Variants in EPS8 observed in about 807,000 individuals in gnomAD.
EPS8 encodes epidermal growth factor receptor kinase substrate 8.
A neutral mutation model predicts 103.8 loss-of-function variants in EPS8; 42 were observed. The observed-to-expected ratio is 0.40, with a 90% CI of 0.32 to 0.52. The LOEUF (loss-of-function observed/expected upper bound fraction) is 0.52. EPS8 is among the 20% of genes least tolerant of loss of function. The pLI is 0.40. For synonymous variants in EPS8, 344 were observed against 344.6 expected (o/e 1.00, Z 0.02); for missense variants, 969 against 1,005.1 (o/e 0.96, Z 0.49).
chr12:15,642,095 A>G (rs1293367770), intron 15 of EPS8, among the ~76,000 whole-genome samples: 1 of 152,132 alleles, frequency 6.6e-6, no homozygotes, highest in East Asian at 1.9e-4. Context: ...ATCCAAGTCT[A>G]TGAATTCTTT....
intron 7 of EPS8, 140 bp downstream of exon 7, chr12:15,666,300 A>T: frequency 1.6e-6 from 1 of 642,494 alleles, no homozygotes; most frequent in Non-Finnish European, 2.6e-6. Context: ...ACTTGGGAGA[A>T]CAAATGTGTT....
intron 1 of EPS8, among the ~76,000 whole-genome samples, chr12:15,746,010 G>A (rs898223248): frequency 6.6e-6 from 1 of 152,132 alleles, no homozygotes; most frequent in Middle Eastern, 3.2e-3. Flanking sequence ...CACATTCTAT[G>A]AACACCTTTA....
rs149765493 is a variant in EPS8, at chr12:15,700,304, A to G, written c.-21-17332T>C. On this transcript the variant is annotated intron_variant, in intron 1 of 20. Coordinates refer to ENST00000281172, the MANE Select transcript of EPS8 (RefSeq NM_004447.6). The surrounding 1 kb of genome is among the most constrained non-coding windows in gnomAD (Gnocchi z 5.1). ...CGTATTCTTTTCTATCTTCTAAACA[A>G]TTCTGAGGTGTGGCAAACTAGTACA... Among the ~76,000 whole-genome samples, 38 of 152,298 alleles carry G rather than the reference A, an allele frequency of 2.5e-4. No homozygotes were observed. Among genetic ancestry groups the G allele is most frequent in the African/African-American group, 8.9e-4 (37 of 41,564 alleles).
rs1947203685 is a variant in EPS8 at position 15,776,026 on chromosome 12, C to A, written c.-22+13135G>T. On this transcript the variant is annotated intron_variant, in intron 1 of 20. Coordinates refer to ENST00000281172, the MANE Select transcript of EPS8 (RefSeq NM_004447.6). The surrounding 1 kb of genome is among the most constrained non-coding windows in gnomAD (Gnocchi z 4.2). The stretch of plus-strand genomic sequence containing the variant: ...AATCAAACCAGATCTGACACCACTA[C>A]AACAAACAAAACTCACCTTCACATA... Among the ~76,000 whole-genome samples the A allele has an allele frequency of 6.6e-6, 1 of 152,134 alleles. No homozygotes were observed. The highest frequency in any genetic ancestry group is 2.4e-5 in the African/African-American group (1 of 41,440).
At chr12:15,627,407 C>T (rs139680124) in intron 18 of EPS8, among the ~76,000 whole-genome samples, 263 of 152,074 alleles carry the variant, frequency 1.7e-3, no homozygotes, top group Non-Finnish European at 2.9e-3. Context: ...ATACGTGGAA[C>T]GGTGCTTTAA....
At position 15,732,000 on chromosome 12, in the gene EPS8, C is replaced by T. The variant is rs1379739682; in HGVS notation, c.-21-49028G>A. Among the ~76,000 whole-genome samples the T allele has an allele frequency of 6.6e-6, 1 of 152,056 alleles. No individual in the cohort carries two copies. Among genetic ancestry groups the T allele is most frequent in the Non-Finnish European group, 1.5e-5 (1 of 68,008 alleles). ...AAAAGGTAGATTTTTTTCTTTCAAA[C>T]TGGCTACTACTTAAATAACTGCCTA... On this transcript the variant is annotated intron_variant, in intron 1 of 20. Transcript: ENST00000281172. This position sits in a 1 kb window ranked among gnomAD's most constrained non-coding sequence, Gnocchi z 5.1.
intron 8 of EPS8, chr12:15,665,458 G>A (rs1945690786): frequency 1.6e-5 from 5 of 311,290 alleles, no homozygotes; most frequent in South Asian, 1.6e-4. Flanking sequence ...AACCATCCCA[G>A]TAGCTAGGAT....
intron 17 of EPS8, among the ~76,000 whole-genome samples, chr12:15,635,381 G>A (rs1945116641): frequency 6.6e-6 from 1 of 152,116 alleles, no homozygotes; most frequent in South Asian, 2.1e-4. Flanking sequence ...AAACATCTTT[G>A]TCTAAAAACC....
intron 18 of EPS8, among the ~76,000 whole-genome samples, chr12:15,628,442 T>C (rs1944986774): frequency 6.6e-6 from 1 of 152,168 alleles, no homozygotes; most frequent in South Asian, 2.1e-4. Flanking sequence ...AGAATAACTT[T>C]ACACCTTTCT....
chr12:15,673,456 C>T (rs1398067944), intron 3 of EPS8, among the ~76,000 whole-genome samples: 1 of 152,084 alleles, frequency 6.6e-6, no homozygotes, highest in Admixed American at 6.6e-5. Context: ...CATGTATTCA[C>T]AAGAACTGGT....
In EPS8 at chr12:15,715,884, G is replaced by A. The variant is rs1216403751; in HGVS notation, c.-21-32912C>T. On this transcript the variant is annotated intron_variant, in intron 1 of 20. Coordinates refer to ENST00000281172, the MANE Select transcript of EPS8 (RefSeq NM_004447.6). Reference sequence around the variant, plus strand: ...CAAACTGCAACAGAAGGACATTAGGGAAAAAAAAAAACACGGCAGGACACA... The same window carrying A: ...CAAACTGCAACAGAAGGACATTAGGAAAAAAAAAAAACACGGCAGGACACA... Among the ~76,000 whole-genome samples, 125 of 144,314 alleles carry A rather than the reference G, an allele frequency of 8.7e-4. 1 individual carries two copies. The highest frequency in any genetic ancestry group is 3.6e-3 in the Middle Eastern group (1 of 274). The allele number at this position is 144,314 out of a possible 152,430, so 94.7% of individuals were successfully genotyped here. A position where few individuals can be genotyped will look rare whatever the true frequency, so the allele number is the denominator to read the frequency against.
intron 1 of EPS8, among the ~76,000 whole-genome samples, chr12:15,719,588 C>T (rs983689891): frequency 2.6e-5 from 4 of 152,174 alleles, no homozygotes; most frequent in Non-Finnish European, 5.9e-5. Flanking sequence ...ATTAAATTGC[C>T]AGAGGACATA....
At position 15,721,352 on chromosome 12, in the gene EPS8, GA is replaced by G. The variant is rs1196473536; in HGVS notation, c.-21-38381del. Reference sequence around the variant, plus strand: ...TTTAATTGACAAATAAAACCAAATAGATTTTTTTAACTCCAGTAGCTCATCT... The same window carrying G: ...TTTAATTGACAAATAAAACCAAATAGTTTTTTTAACTCCAGTAGCTCATCT... On this transcript the variant is annotated intron_variant, in intron 1 of 20. Transcript: ENST00000281172. This position sits in a 1 kb window ranked among gnomAD's most constrained non-coding sequence, Gnocchi z 4.4. 6.6e-6 allele frequency among the ~76,000 whole-genome samples: 1 copy of G among 152,096 alleles called. No homozygotes were observed. Among genetic ancestry groups the G allele is most frequent in the Non-Finnish European group, 1.5e-5 (1 of 68,022 alleles).
chr12:15,641,757 T>G lies in EPS8; in HGVS notation c.1642A>C (p.Ser548Arg). ...TCATCCTTTAGAACCGAGAGCTCAC[T>G]GTTGTTCCTTGCTACAAAGTCATAC... ...SKYDFVARNN[S>R]ELSVLKDDIL... is the part of the protein sequence containing the mutation. Residue 548 changes from serine to arginine, a missense_variant, in exon 16 of 21, where the codon AGT becomes CGT. Coordinates refer to ENST00000281172, the MANE Select transcript of EPS8 (RefSeq NM_004447.6). 1 of 1,599,316 alleles carries G rather than the reference T, an allele frequency of 6.3e-7. No homozygotes were observed. The highest frequency in any genetic ancestry group is 2.3e-5 in the East Asian group (1 of 44,184).
In EPS8 at chr12:15,752,599, C is replaced by A. The variant is rs1175885412; in HGVS notation, c.-22+36562G>T. On this transcript the variant is annotated intron_variant, in intron 1 of 20. Coordinates refer to ENST00000281172, the MANE Select transcript of EPS8 (RefSeq NM_004447.6). The surrounding 1 kb of genome is among the most constrained non-coding windows in gnomAD (Gnocchi z 4.4). ...CCAGAGTCAGAAACATTATATTGAG[C>A]CCCCAAATTATCTGAGAAAAAAAAG... Among the ~76,000 whole-genome samples, 4 of 151,916 alleles carry A rather than the reference C, an allele frequency of 2.6e-5. No homozygotes were observed. The highest frequency in any genetic ancestry group is 4.8e-5 in the African/African-American group (2 of 41,340).
chr12:15,630,458 C>A (rs903214668), intron 18 of EPS8, among the ~76,000 whole-genome samples: 5 of 152,134 alleles, frequency 3.3e-5, no homozygotes, highest in Non-Finnish European at 7.3e-5. Context: ...CTGCTATTCA[C>A]CAATAATACA....
chr12:15,719,266 C>G (rs1325437846), intron 1 of EPS8, among the ~76,000 whole-genome samples: 2 of 152,016 alleles, frequency 1.3e-5, no homozygotes, highest in African/African-American at 4.8e-5. Flanking sequence ...AGCAAGCAGC[C>G]TTGACAAGTC....
chr12:15,704,106 G>A lies in EPS8; in HGVS notation c.-21-21134C>T, dbSNP rs1460794868. Among the ~76,000 whole-genome samples, 1 of 151,790 alleles carries A rather than the reference G, an allele frequency of 6.6e-6. No individual in the cohort carries two copies. The highest frequency in any genetic ancestry group is 6.6e-5 in the Admixed American group (1 of 15,240). On this transcript the variant is annotated intron_variant, in intron 1 of 20. Coordinates refer to ENST00000281172, the MANE Select transcript of EPS8 (RefSeq NM_004447.6). The surrounding 1 kb of genome is among the most constrained non-coding windows in gnomAD (Gnocchi z 4.6). ...TAAGAATAGAGGGTTTTCCTGCTGGGTTTTTTTGTTCGTTCATTTAAAATA... is the reference window on the plus strand; with the variant it reads ...TAAGAATAGAGGGTTTTCCTGCTGGATTTTTTTGTTCGTTCATTTAAAATA...
At chr12:15,624,428 G>C (rs1319539908) in intron 18 of EPS8, 21 bp from the exon 19 acceptor site, 1 of 1,520,728 alleles carries the variant, frequency 6.6e-7, no homozygotes, top group East Asian at 2.3e-5. Flanking sequence ...ACAGGGAGTA[G>C]GTTCTTTTTG....
Sources: gnomAD v4.1 joint callset for allele counts (sites outside exome capture counted in the v4.1 genomes callset) on GRCh38, gnomAD v4.1.1 for gene constraint, Gnocchi (gnomAD v3.1) non-coding constraint, MANE v1.5 for transcripts, NCBI Gene and HGNC (gene_info 2026-07-23, HGNC 2026-07-21) for gene names.